The following MGAT4C variants were observed in gnomAD, a reference collection of about 807,000 sequenced individuals.
The protein encoded by MGAT4C is alpha-1,3-mannosyl-glycoprotein 4-beta-N-acetylglucosaminyltransferase C.
In MGAT4C, 19 loss-of-function variants were observed where a neutral mutation model predicts 40.1. The ratio of observed to expected loss-of-function variants is 0.47; its 90% CI spans 0.33 to 0.70. The LOEUF (loss-of-function observed/expected upper bound fraction) is 0.70. MGAT4C is among the 30% of genes least tolerant of loss of function. The pLI is 0.02. For missense variants in MGAT4C, 491 were observed against 563.2 expected, an observed-to-expected ratio of 0.87 and a Z score of 1.30; for synonymous variants, 181 against 187.1, an observed-to-expected ratio of 0.97 and a Z score of 0.27.
At chr12:86,764,644 G>A (rs1027502812) in intron 1 of MGAT4C, among the ~76,000 whole-genome samples, 5 of 151,010 alleles carry the variant, frequency 3.3e-5, no homozygotes, top group African/African-American at 1.2e-4. Flanking sequence ...ACCTCACACG[G>A]CCGGGTACTC....
At chr12:86,559,021 C>A (rs1959741558) in intron 2 of MGAT4C, among the ~76,000 whole-genome samples, 1 of 151,440 alleles carries the variant, frequency 6.6e-6, no homozygotes, top group South Asian at 2.1e-4. Flanking sequence ...AATTGGAAAC[C>A]AAATGTGAGC....
chr12:86,818,358 G>C (rs1952644045), intron 1 of MGAT4C, among the ~76,000 whole-genome samples: 1 of 151,162 alleles, frequency 6.6e-6, no homozygotes, highest in Non-Finnish European at 1.5e-5. Flanking sequence ...TTAAAAATCA[G>C]TGAACAGGTG....
At chr12:86,539,163 A>G (rs1362986685) in intron 2 of MGAT4C, among the ~76,000 whole-genome samples, 2 of 151,448 alleles carry the variant, frequency 1.3e-5, no homozygotes, top group Non-Finnish European at 2.9e-5. Context: ...TCCTAATGCT[A>G]TCCCTTCCCC....
chr12:85,983,450 AC>A, intron 4 of MGAT4C, 72 bp downstream of exon 4: 6 of 1,322,664 alleles, frequency 4.5e-6, no homozygotes, highest in Non-Finnish European at 6.1e-6. Context: ...TTTTTACTAT[AC>A]ATGTGAAACT....
At chr12:86,752,083 T>A (rs577602553) in intron 1 of MGAT4C, among the ~76,000 whole-genome samples, 12 of 152,128 alleles carry the variant, frequency 7.9e-5, no homozygotes, top group African/African-American at 2.9e-4. Context: ...CCAGATTGAA[T>A]GAGATAATTA....
intron 2 of MGAT4C, among the ~76,000 whole-genome samples, chr12:85,992,696 G>A (rs1023076152): frequency 6.6e-6 from 1 of 152,190 alleles, no homozygotes; most frequent in Non-Finnish European, 1.5e-5. Context: ...CATTTCCTTT[G>A]TTGCCAACTT....
rs868512319 is a variant in MGAT4C, at chr12:86,199,782, T to C, written c.-57+56457A>G. On this transcript the variant is annotated intron_variant, in intron 1 of 4. Transcript: ENST00000611864. ...CATTGTTATTTTTGGAAAATGTGTA[T>C]CACTAATGCCATATCAAAGAGCTAA... Among the ~76,000 whole-genome samples the C allele has an allele frequency of 9.1e-4, 139 of 152,266 alleles. 1 individual carries two copies. Among genetic ancestry groups the C allele is most frequent in the African/African-American group, 3.3e-3 (136 of 41,568 alleles).
chr12:86,406,163 A>G (rs1185065599), intron 3 of MGAT4C, among the ~76,000 whole-genome samples: 2 of 150,420 alleles, frequency 1.3e-5, no homozygotes, highest in African/African-American at 4.9e-5. Flanking sequence ...ATAAAGCATA[A>G]GTAAAAATAT....
chr12:86,190,441 A>T (rs1192302629), intron 1 of MGAT4C, among the ~76,000 whole-genome samples: 3 of 152,266 alleles, frequency 2.0e-5, no homozygotes, highest in Middle Eastern at 3.4e-3. Context: ...ATTAATGAAC[A>T]AATTTTCACA....
At chr12:86,207,483 C>G (rs927448064) in intron 1 of MGAT4C, among the ~76,000 whole-genome samples, 2 of 151,666 alleles carry the variant, frequency 1.3e-5, no homozygotes, top group Admixed American at 1.3e-4. Context: ...ATGTTCTCCT[C>G]CCTGTGTCCA....
chr12:86,376,290 C>T (rs1261046595), intron 3 of MGAT4C, among the ~76,000 whole-genome samples: 4 of 151,080 alleles, frequency 2.6e-5, no homozygotes, highest in Non-Finnish European at 5.9e-5. Context: ...ACCCAGCAGG[C>T]TCAAAGCCTG....
intron 3 of MGAT4C, among the ~76,000 whole-genome samples, chr12:86,412,572 C>A (rs573249659): frequency 2.0e-5 from 3 of 152,078 alleles, no homozygotes; most frequent in African/African-American, 4.8e-5. Flanking sequence ...AATGCCTGTA[C>A]CCACATTGTA....
At chr12:86,282,069 A>AT (rs1201244518) in intron 4 of MGAT4C, among the ~76,000 whole-genome samples, 1 of 152,022 alleles carries the variant, frequency 6.6e-6, no homozygotes, top group Non-Finnish European at 1.5e-5. Flanking sequence ...GGCTTTTTAA[A>AT]TTTTACTTTG....
intron 2 of MGAT4C, among the ~76,000 whole-genome samples, chr12:86,494,367 G>C (rs1958197935): frequency 6.6e-6 from 1 of 151,470 alleles, no homozygotes; most frequent in Admixed American, 6.6e-5. Context: ...CAAATACTTA[G>C]TATAGAAAAA....
At chr12:86,672,386 A>G (rs1964278615) in intron 2 of MGAT4C, among the ~76,000 whole-genome samples, 1 of 152,094 alleles carries the variant, frequency 6.6e-6, no homozygotes, top group African/African-American at 2.4e-5. Flanking sequence ...GAATAAGAAA[A>G]TCAAACCCAA....
chr12:86,552,568 T>C (rs1292288800), intron 2 of MGAT4C, among the ~76,000 whole-genome samples: 2 of 152,094 alleles, frequency 1.3e-5, no homozygotes, highest in African/African-American at 2.4e-5. Flanking sequence ...TTGAGATGAA[T>C]AGTTATTCTA....
chr12:86,828,683 T>A (rs868361584), intron 1 of MGAT4C, among the ~76,000 whole-genome samples: 75 of 151,654 alleles, frequency 4.9e-4, no homozygotes, highest in African/African-American at 1.6e-3. Context: ...AAGAATGGGA[T>A]GCTATTGGGC....
intron 1 of MGAT4C, among the ~76,000 whole-genome samples, chr12:86,220,267 C>T (rs1410880371): frequency 6.6e-6 from 1 of 152,038 alleles, no homozygotes; most frequent in East Asian, 1.9e-4. Flanking sequence ...ATCTCCTCCA[C>T]CATGAAATCA....
chr12:86,717,487 A>C (rs1239889685), intron 2 of MGAT4C, among the ~76,000 whole-genome samples: 1 of 152,034 alleles, frequency 6.6e-6, no homozygotes, highest in Non-Finnish European at 1.5e-5. Flanking sequence ...AAATTTGAAG[A>C]AGTAGATTAT....
Sources: gnomAD v4.1 joint callset for allele counts (sites outside exome capture counted in the v4.1 genomes callset) on GRCh38, gnomAD v4.1.1 for gene constraint, MANE v1.5 for transcripts, NCBI Gene and HGNC (gene_info 2026-07-23, HGNC 2026-07-21) for gene names.